The following DLG2 variants were observed in gnomAD, a reference collection of about 807,000 sequenced individuals.
The protein encoded by DLG2 is discs large MAGUK scaffold protein 2, also known as disks large homolog 2.
In DLG2, 45 loss-of-function variants were observed where a neutral mutation model predicts 132.5. The observed-to-expected ratio is 0.34, with a 90% confidence interval of 0.27 to 0.44. The LOEUF is 0.44. Among genes scored for constraint, DLG2 ranks in the 20% least tolerant of loss-of-function variants. The probability of loss-of-function intolerance (pLI) is 1.00; values close to 1 mark genes in which losing one functional copy is unlikely to be tolerated. For synonymous variants in DLG2, 424 were observed against 419.6 expected, an observed-to-expected ratio of 1.01 and a Z score of -0.13; for missense variants, 1,045 against 1,196.9, an observed-to-expected ratio of 0.87 and a Z score of 1.87.
intron 19 of DLG2, among the ~76,000 whole-genome samples, chr11:83,585,374 T>TGG (rs1298983630): frequency 6.6e-6 from 1 of 152,186 alleles, no homozygotes; most frequent in African/African-American, 2.4e-5. Context: ...CTGCTACTTT[T>TGG]GGCCCGTTTA....
chr11:84,114,859 A>G (rs1405524196), intron 9 of DLG2, among the ~76,000 whole-genome samples: 4 of 147,414 alleles, frequency 2.7e-5, no homozygotes, highest in East Asian at 4.0e-4. Context: ...TTATAGAGAC[A>G]GGGTTTTGCC....
At position 84,114,632 on chromosome 11, in the gene DLG2, C is replaced by T. The variant is rs141714535; in HGVS notation, c.625-15585G>A. ...TATGATGTGTTTTTCTGCGGCTGCACGGAGATTTTAAAAGCATGCACCCAG... is the reference window on the plus strand; with the variant it reads ...TATGATGTGTTTTTCTGCGGCTGCATGGAGATTTTAAAAGCATGCACCCAG... On this transcript the variant is annotated intron_variant, in intron 9 of 27. Coordinates refer to ENST00000376104, the MANE Select transcript of DLG2 (RefSeq NM_001142699.3). Among the ~76,000 whole-genome samples the T allele has an allele frequency of 8.6e-3, 1,315 of 152,216 alleles. 8 individuals carry two copies. Among genetic ancestry groups the T allele is most frequent in the Non-Finnish European group, 0.015 (1,031 of 68,008 alleles).
chr11:83,646,180 G>A (rs775255353), intron 18 of DLG2, among the ~76,000 whole-genome samples: 3 of 152,090 alleles, frequency 2.0e-5, no homozygotes, highest in Non-Finnish European at 2.9e-5. Context: ...TTATCTGGAC[G>A]CAAGAGGATG....
intron 15 of DLG2, among the ~76,000 whole-genome samples, chr11:83,929,660 G>T (rs2079769931): frequency 6.6e-6 from 1 of 152,136 alleles, no homozygotes; most frequent in Non-Finnish European, 1.5e-5. Context: ...AGATCATACT[G>T]AGGGCAATAC....
At chr11:85,169,201 T>A (rs2078672114) in intron 4 of DLG2, among the ~76,000 whole-genome samples, 1 of 152,318 alleles carries the variant, frequency 6.6e-6, no homozygotes, top group Admixed American at 6.5e-5. Flanking sequence ...ATTGCCATAC[T>A]GTTATTTTTA....
At chr11:83,745,570 G>A (rs1417453842) in intron 18 of DLG2, among the ~76,000 whole-genome samples, 3 of 152,226 alleles carry the variant, frequency 2.0e-5, no homozygotes, top group South Asian at 2.1e-4. Context: ...TTGAGAGGCT[G>A]AGGCAGATGG....
At chr11:85,393,190 A>T (rs2152950536) in intron 3 of DLG2, among the ~76,000 whole-genome samples, 1 of 152,224 alleles carries the variant, frequency 6.6e-6, no homozygotes, top group Admixed American at 6.6e-5. Flanking sequence ...CTCAAAAGAA[A>T]ATATGCAAAT....
intron 18 of DLG2, among the ~76,000 whole-genome samples, chr11:83,769,372 G>A (rs927781651): frequency 6.6e-6 from 1 of 151,972 alleles, no homozygotes; most frequent in Non-Finnish European, 1.5e-5. Context: ...TCCTACTAGA[G>A]TCACTCCTTT....
chr11:84,867,205 A>G (rs1375467296), intron 6 of DLG2, among the ~76,000 whole-genome samples: 6 of 152,130 alleles, frequency 3.9e-5, no homozygotes. Context: ...AACAAAATCA[A>G]CCTTCCACAG....
chr11:83,638,900 T>G (rs1326991986), intron 18 of DLG2, among the ~76,000 whole-genome samples: 1 of 152,212 alleles, frequency 6.6e-6, no homozygotes, highest in Non-Finnish European at 1.5e-5. Context: ...AGCAAGGTCA[T>G]AGGTGTGAAC....
intron 4 of DLG2, among the ~76,000 whole-genome samples, chr11:85,169,682 C>G (rs1373507022): frequency 6.6e-6 from 1 of 152,112 alleles, no homozygotes; most frequent in East Asian, 1.9e-4. Flanking sequence ...ATGTAATATT[C>G]CTCAGTCTTT....
At chr11:85,340,821 G>C (rs1265517647) in intron 3 of DLG2, among the ~76,000 whole-genome samples, 1 of 152,128 alleles carries the variant, frequency 6.6e-6, no homozygotes, top group East Asian at 1.9e-4. Flanking sequence ...AGTCATAGTA[G>C]AAAGCATTTC....
At chr11:84,820,144 T>C (rs1598861188) in intron 6 of DLG2, among the ~76,000 whole-genome samples, 3 of 151,508 alleles carry the variant, frequency 2.0e-5, no homozygotes, top group Non-Finnish European at 4.4e-5. Flanking sequence ...TTATACCAAA[T>C]ACTGGAAATA....
At chr11:83,816,417 A>G (rs2048936786) in intron 17 of DLG2, among the ~76,000 whole-genome samples, 1 of 152,176 alleles carries the variant, frequency 6.6e-6, no homozygotes, top group African/African-American at 2.4e-5. Context: ...TAAGTAGTTA[A>G]TAAGTATTTA....
Position 85,046,089 on chromosome 11 carries a change from G to A in DLG2, c.357+65572C>T, listed in dbSNP as rs2062320447. Among the ~76,000 whole-genome samples, 4 of 151,968 alleles carry A rather than the reference G, an allele frequency of 2.6e-5. No homozygotes were observed. In the South Asian group the frequency reaches 8.3e-4, roughly 31 times the overall value. On this transcript the variant is annotated intron_variant, in intron 6 of 27. Coordinates refer to ENST00000376104, the MANE Select transcript of DLG2 (RefSeq NM_001142699.3). The stretch of plus-strand genomic sequence containing the variant: ...CAACCCTGCTTCCTCCATATTATTA[G>A]CTCCCATAAACCCCCTTTCTATTTC...
chr11:84,266,039 G>C (rs1038991865), intron 7 of DLG2, among the ~76,000 whole-genome samples: 3 of 152,108 alleles, frequency 2.0e-5, no homozygotes, highest in East Asian at 1.9e-4. Context: ...ATGGAAAGTG[G>C]AAGTGGCAGA....
At position 84,291,462 on chromosome 11, in the gene DLG2, G is replaced by A. The variant is rs187366770; in HGVS notation, c.520-40171C>T. On this transcript the variant is annotated intron_variant, in intron 7 of 27. Transcript: ENST00000376104. ...AATATGGAGTATATATCCCCTCATTGAAAACATGAAAAAGTCAGTATTAAA... is the reference window on the plus strand; with the variant it reads ...AATATGGAGTATATATCCCCTCATTAAAAACATGAAAAAGTCAGTATTAAA... Among the ~76,000 whole-genome samples, 7 of 152,142 alleles carry A rather than the reference G, an allele frequency of 4.6e-5. No individual in the cohort carries two copies. The East Asian group carries it at 1.3e-3, about 29-fold the overall frequency.
chr11:85,326,299 C>G (rs1217325182), intron 3 of DLG2, among the ~76,000 whole-genome samples: 1 of 143,500 alleles, frequency 7.0e-6, no homozygotes, highest in Non-Finnish European at 1.5e-5. Flanking sequence ...TCGAGAAGAG[C>G]AACTCCAAGA....
intron 6 of DLG2, among the ~76,000 whole-genome samples, chr11:84,894,993 T>C (rs2154066565): frequency 6.6e-6 from 1 of 152,276 alleles, no homozygotes; most frequent in East Asian, 1.9e-4. Context: ...TAGTACAAAC[T>C]GGATTTTAAT....
Sources: gnomAD v4.1 joint callset for allele counts (sites outside exome capture counted in the v4.1 genomes callset) on GRCh38, gnomAD v4.1.1 for gene constraint, MANE v1.5 for transcripts, NCBI Gene and HGNC (gene_info 2026-07-23, HGNC 2026-07-21) for gene names.